Variants in PLGRKT observed in about 807,000 individuals in gnomAD.
PLGRKT encodes the protein plasminogen receptor (KT).
PLGRKT carries 22 observed loss-of-function variants against 18.5 expected under a neutral mutation model. The ratio of observed to expected loss-of-function variants is 1.19; its 90% CI spans 0.85 to 1.70. The LOEUF (loss-of-function observed/expected upper bound fraction) is 1.70, where lower values mean the gene tolerates loss of function less well. Ranked by LOEUF, PLGRKT falls within the 40% of genes most tolerant of loss-of-function variation. The probability of loss-of-function intolerance (pLI) is 0.00; values close to 1 mark genes in which losing one functional copy is unlikely to be tolerated. For missense variants in PLGRKT, 235 were observed against 174.4 expected (o/e 1.35, Z -1.96); for synonymous variants, 72 against 52.8 (o/e 1.36, Z -1.58).
chr9:5,399,469 G>T (rs1274253063), intron 3 of PLGRKT, among the ~76,000 whole-genome samples: 1 of 151,442 alleles, frequency 6.6e-6, no homozygotes, highest in African/African-American at 2.4e-5. Context: ...CTTTAGAGTT[G>T]TGCATTTTTA....
intron 1 of PLGRKT, among the ~76,000 whole-genome samples, chr9:5,437,169 G>C (rs1818976185): frequency 6.6e-6 from 1 of 152,102 alleles, no homozygotes; most frequent in Non-Finnish European, 1.5e-5. Flanking sequence ...GTATTTCTGG[G>C]GAGGAGAAGT....
At position 5,419,422 on chromosome 9, in the gene PLGRKT, G is replaced by A. The variant is rs570989052; in HGVS notation, c.81+12475C>T. On this transcript the variant is annotated intron_variant, in intron 3 of 5. Transcript: ENST00000223864. The stretch of plus-strand genomic sequence containing the variant: ...TCTTCAGCGGACCTTTCTCCGTGGC[G>A]TGTTCAGGTGCTGGCTACAGAGGCC... Among the ~76,000 whole-genome samples, 203 of 152,342 alleles carry A rather than the reference G, an allele frequency of 1.3e-3. 1 individual carries two copies. Among genetic ancestry groups the A allele is most frequent in the Middle Eastern group, 6.8e-3 (2 of 294 alleles).
At chr9:5,416,942 C>A (rs374674897) in intron 3 of PLGRKT, among the ~76,000 whole-genome samples, 1 of 152,204 alleles carries the variant, frequency 6.6e-6, no homozygotes, top group East Asian at 1.9e-4. Flanking sequence ...TTCATTAGCT[C>A]CCCAAGTGAC....
chr9:5,383,758 A>T (rs1269559344), intron 3 of PLGRKT, among the ~76,000 whole-genome samples: 1 of 152,154 alleles, frequency 6.6e-6, no homozygotes, highest in Non-Finnish European at 1.5e-5. Context: ...ATCTGGCAGG[A>T]GGTGGAGCTC....
chr9:5,417,129 T>C (rs975501991), intron 3 of PLGRKT, among the ~76,000 whole-genome samples: 4 of 152,162 alleles, frequency 2.6e-5, no homozygotes, highest in Admixed American at 6.5e-5. Context: ...ACACAGCAGG[T>C]TGCCACTCAA....
chr9:5,404,070 C>G (rs138351718), intron 3 of PLGRKT, among the ~76,000 whole-genome samples: 2 of 152,302 alleles, frequency 1.3e-5, no homozygotes, highest in East Asian at 1.9e-4. Context: ...CTTCTCAAGA[C>G]TGAACCAGGA....
chr9:5,392,024 C>T (rs1817958739), intron 3 of PLGRKT, among the ~76,000 whole-genome samples: 1 of 151,908 alleles, frequency 6.6e-6, no homozygotes, highest in Non-Finnish European at 1.5e-5. Flanking sequence ...TCTCTTAGAG[C>T]TCTGACATAT....
chr9:5,367,744 C>T (rs200220254), intron 3 of PLGRKT, among the ~76,000 whole-genome samples: 1 of 151,952 alleles, frequency 6.6e-6, no homozygotes, highest in African/African-American at 2.4e-5. Context: ...ACAAATGTTA[C>T]CTAATTAAAC....
chr9:5,367,020 T>TACACACACACAC, intron 3 of PLGRKT, among the ~76,000 whole-genome samples: 1 of 58,224 alleles, frequency 1.7e-5, no homozygotes, highest in African/African-American at 5.9e-5. Flanking sequence ...GACAGACAGA[T>TACACACACACAC]ACACACACAT....
At chr9:5,425,360 T>C (rs545980546) in intron 3 of PLGRKT, among the ~76,000 whole-genome samples, 1 of 152,334 alleles carries the variant, frequency 6.6e-6, no homozygotes, top group East Asian at 1.9e-4. Context: ...TTATAACTAG[T>C]AGCATGAATC....
intron 3 of PLGRKT, among the ~76,000 whole-genome samples, chr9:5,422,241 C>T (rs950515842): frequency 6.6e-6 from 1 of 152,120 alleles, no homozygotes; most frequent in Admixed American, 6.5e-5. Flanking sequence ...ATGGGTAGAT[C>T]AGGTCGATAT....
At chr9:5,371,525 A>G (rs1032691592) in intron 3 of PLGRKT, among the ~76,000 whole-genome samples, 1 of 152,188 alleles carries the variant, frequency 6.6e-6, no homozygotes, top group South Asian at 2.1e-4. Context: ...CACCGCCAGG[A>G]AAGAAGTGCC....
intron 3 of PLGRKT, among the ~76,000 whole-genome samples, chr9:5,391,580 T>C (rs1234036778): frequency 6.6e-6 from 1 of 151,860 alleles, no homozygotes; most frequent in Non-Finnish European, 1.5e-5. Flanking sequence ...GCTTTCTCCA[T>C]GTCACCCTGT....
At chr9:5,366,852 T>G (rs1343815754) in intron 3 of PLGRKT, among the ~76,000 whole-genome samples, 12 of 152,098 alleles carry the variant, frequency 7.9e-5, no homozygotes, top group Admixed American at 7.2e-4. Flanking sequence ...AACCTAAAGA[T>G]GCTGCCAAGA....
rs189607058 is a variant in PLGRKT, at chr9:5,400,957, T to C, written c.81+30940A>G. The stretch of plus-strand genomic sequence containing the variant: ...GGTAAGTGTAGGAGAAGTGGGGTGT[T>C]GGGAAACTTTATCCTCAAAAACCCC... On this transcript the variant is annotated intron_variant, in intron 3 of 5. Coordinates refer to ENST00000223864, the MANE Select transcript of PLGRKT (RefSeq NM_018465.4). Among the ~76,000 whole-genome samples, 441 of 152,042 alleles carry C rather than the reference T, an allele frequency of 2.9e-3. 2 individuals carry two copies. Among genetic ancestry groups the C allele is most frequent in the South Asian group, 6.8e-3 (33 of 4,828 alleles).
chr9:5,416,512 C>T (rs1818461070), intron 3 of PLGRKT, among the ~76,000 whole-genome samples: 1 of 152,154 alleles, frequency 6.6e-6, no homozygotes, highest in Non-Finnish European at 1.5e-5. Flanking sequence ...ATATAGTAGG[C>T]ATTCTGAAAA....
chr9:5,361,841 C>G lies in PLGRKT; in HGVS notation c.129G>C (p.Met43Ile). Reference protein sequence around the residue: ...IMQSEMRERQMAMQIAWSREF... With the variant: ...IMQSEMRERQIAMQIAWSREF... ...CCCGAGACCACGCAATCTGCATGGC[C>G]ATTTGTCTTTCCCTCATTTCACTCT... The change falls in exon 4 of 6, where the codon ATG becomes ATC. Residue 43 changes from methionine to isoleucine, a missense_variant. By Grantham distance (10) the Met-to-Ile change is conservative (BLOSUM62 1). Coordinates refer to ENST00000223864, the MANE Select transcript of PLGRKT (RefSeq NM_018465.4). 1 of 1,612,916 alleles carries G rather than the reference C, an allele frequency of 6.2e-7. No homozygotes were observed. The highest frequency in any genetic ancestry group is 1.3e-5 in the African/African-American group (1 of 75,006).
intron 3 of PLGRKT, among the ~76,000 whole-genome samples, chr9:5,366,423 T>A (rs1195073949): frequency 1.3e-5 from 2 of 152,180 alleles, no homozygotes; most frequent in Non-Finnish European, 2.9e-5. Context: ...TCTCTGGACC[T>A]TTTGATACTG....
chr9:5,359,894 T>C (rs911256642), intron 5 of PLGRKT, among the ~76,000 whole-genome samples: 1 of 152,242 alleles, frequency 6.6e-6, no homozygotes, highest in Non-Finnish European at 1.5e-5. Flanking sequence ...ACACGTGTTA[T>C]ACATGTTCAC....
Sources: allele counts gnomAD v4.1 joint callset (sites outside exome capture counted in the v4.1 genomes callset), GRCh38; gene constraint gnomAD v4.1.1; transcripts MANE v1.5; gene names NCBI Gene and HGNC (gene_info 2026-07-23, HGNC 2026-07-21).